ZNF652: variants seen among roughly 807,000 people sequenced by gnomAD.
ZNF652 encodes the protein zinc finger protein 652.
ZNF652 carries 16 observed loss-of-function variants against 45.2 expected under a neutral mutation model. The ratio of observed to expected loss-of-function variants is 0.35; its 90% CI spans 0.24 to 0.54. The LOEUF is 0.54. ZNF652 is among the 20% of genes least tolerant of loss of function. The pLI is 0.91. For missense variants in ZNF652, 614 were observed against 765.6 expected (o/e 0.80, Z 2.34); for synonymous variants, 250 against 260.6 (o/e 0.96, Z 0.39).
At chr17:49,339,197 A>ATTTTT (rs34574898) in intron 1 of ZNF652, among the ~76,000 whole-genome samples, 15 of 119,518 alleles carry the variant, frequency 1.3e-4, no homozygotes, top group African/African-American at 1.9e-4. Context: ...GAGTTAGGAA[A>ATTTTT]TTTTTTTTTT....
intron 1 of ZNF652, among the ~76,000 whole-genome samples, chr17:49,343,101 T>C (rs1216354545): frequency 1.3e-5 from 2 of 152,072 alleles, no homozygotes; most frequent in Admixed American, 1.3e-4. Context: ...AGGTTGGTCT[T>C]GAGCTCCTGA....
intron 1 of ZNF652, among the ~76,000 whole-genome samples, chr17:49,343,924 C>A (rs1045535231): frequency 1.3e-4 from 20 of 151,980 alleles, no homozygotes; most frequent in Admixed American, 7.9e-4. Flanking sequence ...GCCGGCCAGG[C>A]GCGGTGGCTC....
intron 1 of ZNF652, among the ~76,000 whole-genome samples, chr17:49,348,534 G>GAAAAGAAAAGAAAAGAA (rs1555552488): frequency 2.4e-5 from 3 of 125,004 alleles, no homozygotes; most frequent in African/African-American, 8.8e-5. Context: ...GAAAAGAAAA[G>GAAAAGAAAAGAAAAGAA]AAAAGAAAAA....
intron 1 of ZNF652, among the ~76,000 whole-genome samples, chr17:49,355,289 A>G (rs1389684262): frequency 6.6e-6 from 1 of 152,220 alleles, no homozygotes; most frequent in Non-Finnish European, 1.5e-5. Flanking sequence ...TGAGACAGTA[A>G]AAGAAAAAAA....
At position 49,317,822 on chromosome 17, in the gene ZNF652, G is replaced by A. The variant is rs575342819; in HGVS notation, c.-97C>T. On this transcript the variant is annotated 5_prime_UTR_variant, in exon 2 of 6. Transcript: ENST00000430262. ...ACTCAAATCTTTTCTCATCCACAAA[G>A]AATCACTCAAATGAAAAAAAGATAT... The A allele has an allele frequency of 8.0e-7, 1 of 1,246,976 alleles. No individual in the cohort carries two copies. The highest frequency in any genetic ancestry group is 1.5e-5 in the African/African-American group (1 of 66,104). 77.2% of individuals were successfully genotyped at this position (1,246,976 alleles called of 1,614,324 possible).
chr17:49,312,609 A>T, intron 3 of ZNF652, 89 bp downstream of exon 3: 1 of 1,428,250 alleles, frequency 7.0e-7, no homozygotes, highest in Non-Finnish European at 9.5e-7. Flanking sequence ...GATTAGGGCA[A>T]TTCCTCATAT....
At chr17:49,352,398 T>C (rs759770740) in intron 1 of ZNF652, among the ~76,000 whole-genome samples, 7 of 152,172 alleles carry the variant, frequency 4.6e-5, no homozygotes, top group Non-Finnish European at 8.8e-5. Flanking sequence ...AAAAGTTAAA[T>C]GGCTCCTCTA....
intron 1 of ZNF652, among the ~76,000 whole-genome samples, chr17:49,357,934 A>G (rs1187626806): frequency 6.6e-6 from 1 of 152,242 alleles, no homozygotes; most frequent in Non-Finnish European, 1.5e-5. Context: ...CAATTTTTTC[A>G]TCCCAAATCT....
intron 1 of ZNF652, among the ~76,000 whole-genome samples, chr17:49,350,488 G>A (rs772397556): frequency 1.3e-5 from 2 of 150,170 alleles, no homozygotes; most frequent in South Asian, 2.1e-4. Context: ...GCAGTGAGCC[G>A]AGATCGCGCC....
At chr17:49,336,189 T>G (rs2070078489) in intron 1 of ZNF652, among the ~76,000 whole-genome samples, 1 of 151,878 alleles carries the variant, frequency 6.6e-6, no homozygotes, top group South Asian at 2.1e-4. Flanking sequence ...CATGCCCAGT[T>G]AATTTTTGTA....
intron 1 of ZNF652, among the ~76,000 whole-genome samples, chr17:49,359,068 CT>C (rs2070366857): frequency 6.6e-6 from 1 of 152,132 alleles, no homozygotes; most frequent in South Asian, 2.1e-4. Flanking sequence ...AGGTAAGTGA[CT>C]GGTTTAGAAG....
At chr17:49,308,233 G>A (rs1301379053) in intron 5 of ZNF652, among the ~76,000 whole-genome samples, 1 of 151,918 alleles carries the variant, frequency 6.6e-6, no homozygotes, top group African/African-American at 2.4e-5. Flanking sequence ...CCAGGCTGGA[G>A]TGACACAATC....
In ZNF652 at chr17:49,302,292, AT is replaced by A. The variant is rs35962100; in HGVS notation, c.1310-3369del. 6.1e-3 allele frequency among the ~76,000 whole-genome samples: 843 copies of A among 138,662 alleles called. 9 individuals are homozygous for A. The highest frequency in any genetic ancestry group is 0.031 in the Admixed American group (429 of 13,922). The allele number at this position is 138,662 out of a possible 152,430, so 91.0% of individuals were successfully genotyped here. ...CAACGTTATAAAGTATAGAAATGTAATTTTTTTTTTTTTTGAGGTGGAGACT... is the reference window on the plus strand; with the variant it reads ...CAACGTTATAAAGTATAGAAATGTAATTTTTTTTTTTTTGAGGTGGAGACT... On this transcript the variant is annotated intron_variant, in intron 5 of 5. Coordinates refer to ENST00000430262, the MANE Select transcript of ZNF652 (RefSeq NM_001145365.3).
In ZNF652 at chr17:49,359,612, T is replaced by C. The variant is rs151128055; in HGVS notation, c.-259+2297A>G. ...ATTCCAACACTATCACAAGCTGGAA[T>C]AAATATCTCCTGATTGCAATACGAC... is the stretch of plus-strand genomic sequence containing the variant. On this transcript the variant is annotated intron_variant, in intron 1 of 5. Coordinates refer to ENST00000430262, the MANE Select transcript of ZNF652 (RefSeq NM_001145365.3). Among the ~76,000 whole-genome samples the C allele has an allele frequency of 2.6e-5, 4 of 152,344 alleles. No homozygotes were observed. In the East Asian group the frequency reaches 7.7e-4, roughly 29 times the overall value.
chr17:49,358,208 G>A (rs901179885), intron 1 of ZNF652, among the ~76,000 whole-genome samples: 2 of 152,130 alleles, frequency 1.3e-5, no homozygotes, highest in Non-Finnish European at 2.9e-5. Flanking sequence ...GTGGAGCGGG[G>A]GTTTTAAATC....
At position 49,316,812 on chromosome 17, in the gene ZNF652, G is replaced by A; in HGVS notation, c.900+14C>T. 6.3e-7 allele frequency: 1 copy of A among 1,594,996 alleles called. No individual in the cohort carries two copies. The highest frequency in any genetic ancestry group is 2.2e-5 in the East Asian group (1 of 44,804). On this transcript the variant is annotated intron_variant, in intron 2 of 5. Coordinates refer to ENST00000430262, the MANE Select transcript of ZNF652 (RefSeq NM_001145365.3). Reference sequence around the variant, plus strand: ...CTATCCTGAAAAGTTTTCCCTCTCGGTGATGAAACCTACCTGAATGTTTTT... The same window carrying A: ...CTATCCTGAAAAGTTTTCCCTCTCGATGATGAAACCTACCTGAATGTTTTT...
At chr17:49,356,429 C>CAAAAAAAAA (rs35374808) in intron 1 of ZNF652, among the ~76,000 whole-genome samples, 3 of 42,334 alleles carry the variant, frequency 7.1e-5, no homozygotes, top group East Asian at 9.1e-4. Flanking sequence ...ACTCTGTCTG[C>CAAAAAAAAA]AAAAAAAAAA....
At chr17:49,308,291 C>T (rs2069660505) in intron 5 of ZNF652, among the ~76,000 whole-genome samples, 1 of 152,064 alleles carries the variant, frequency 6.6e-6, no homozygotes, top group Admixed American at 6.6e-5. Context: ...ATCCTCCCTG[C>T]CTCAGCCTCC....
intron 1 of ZNF652, among the ~76,000 whole-genome samples, chr17:49,343,029 A>C (rs1470974769): frequency 1.3e-5 from 2 of 151,864 alleles, no homozygotes; most frequent in East Asian, 3.9e-4. Flanking sequence ...TTACAGGTGC[A>C]TGCCACCACA....
Sources: gnomAD v4.1 joint callset for allele counts (sites outside exome capture counted in the v4.1 genomes callset) on GRCh38, gnomAD v4.1.1 for gene constraint, MANE v1.5 for transcripts, NCBI Gene and HGNC (gene_info 2026-07-23, HGNC 2026-07-21) for gene names.